Variants in EPB41L2 observed in about 807,000 individuals in gnomAD.
EPB41L2 encodes band 4.1-like protein 2.
Under a neutral mutation model 113.0 loss-of-function variants are expected in EPB41L2, and 43 were observed. The observed-to-expected ratio is 0.38, with a 90% CI of 0.30 to 0.49. The LOEUF (loss-of-function observed/expected upper bound fraction) is 0.49, where lower values mean the gene tolerates loss of function less well. Among genes scored for constraint, EPB41L2 ranks in the 20% least tolerant of loss-of-function variants. The pLI is 0.95. For missense variants in EPB41L2, 1,147 were observed against 1,223.4 expected (o/e 0.94, Z 0.93); for synonymous variants, 442 against 436.7 (o/e 1.01, Z -0.15).
intron 12 of EPB41L2, chr6:130,880,543 C>G: frequency 1.7e-6 from 1 of 605,974 alleles, no homozygotes; most frequent in Non-Finnish European, 2.9e-6. Flanking sequence ...AGTGGAAACT[C>G]TACCATCAGT....
chr6:130,924,205 T>C (rs376483627), intron 4 of EPB41L2, among the ~76,000 whole-genome samples: 1 of 152,256 alleles, frequency 6.6e-6, no homozygotes, highest in East Asian at 1.9e-4. Flanking sequence ...ACATATTCCA[T>C]TGTATGTATA....
intron 18 of EPB41L2, among the ~76,000 whole-genome samples, chr6:130,861,106 T>C (rs748004343): frequency 6.6e-6 from 1 of 152,124 alleles, no homozygotes; most frequent in Non-Finnish European, 1.5e-5. Flanking sequence ...GGAATCTTGC[T>C]CTGTCGCCCA....
At chr6:130,937,901 A>C (rs983258268) in intron 3 of EPB41L2, among the ~76,000 whole-genome samples, 1 of 152,084 alleles carries the variant, frequency 6.6e-6, no homozygotes, top group Non-Finnish European at 1.5e-5. Flanking sequence ...ATTTGAGTCT[A>C]CCTTTGTGAA....
chr6:131,030,179 A>ACT (rs1210872196), intron 1 of EPB41L2, among the ~76,000 whole-genome samples: 1 of 152,166 alleles, frequency 6.6e-6, no homozygotes, highest in African/African-American at 2.4e-5. Context: ...AGGCAGTGTG[A>ACT]CTGCAGGGCC....
At chr6:131,061,191 GTTAC>G (rs1441014737) in intron 1 of EPB41L2, among the ~76,000 whole-genome samples, 1 of 152,078 alleles carries the variant, frequency 6.6e-6, no homozygotes, top group East Asian at 1.9e-4. Flanking sequence ...GTCCCTTCCC[GTTAC>G]TCTAAATGAG....
chr6:131,009,029 T>G (rs1786286396), intron 1 of EPB41L2, among the ~76,000 whole-genome samples: 1 of 152,172 alleles, frequency 6.6e-6, no homozygotes, highest in African/African-American at 2.4e-5. Context: ...TGACTGTGTT[T>G]TGAAATGTGA....
chr6:130,873,952 C>T (rs1375858773), intron 14 of EPB41L2, among the ~76,000 whole-genome samples: 2 of 152,078 alleles, frequency 1.3e-5, no homozygotes, highest in Non-Finnish European at 2.9e-5. Flanking sequence ...ATGATTACAT[C>T]GTCCCTTGGG....
At chr6:131,003,244 G>C (rs1311885929) in intron 1 of EPB41L2, among the ~76,000 whole-genome samples, 1 of 152,084 alleles carries the variant, frequency 6.6e-6, no homozygotes, top group Admixed American at 6.6e-5. Context: ...ACAAAAATAT[G>C]TGTTTACTTA....
intron 3 of EPB41L2, among the ~76,000 whole-genome samples, chr6:130,939,539 C>T (rs1810078052): frequency 1.3e-5 from 2 of 152,128 alleles, no homozygotes; most frequent in African/African-American, 4.8e-5. Flanking sequence ...AGATGTAAGA[C>T]ACCGCGCCCG....
rs552110390 is a variant in EPB41L2, at chr6:131,062,556, G to A, written c.-15+599C>T. 831 of 151,646 alleles carry A rather than the reference G, an allele frequency of 5.5e-3. 2 individuals are homozygous for A. The highest frequency in any genetic ancestry group is 9.5e-3 in the Non-Finnish European group (643 of 67,860). 9.4% of individuals were successfully genotyped at this position (151,646 alleles called of 1,614,324 possible). On this transcript the variant is annotated intron_variant, in intron 1 of 19. Transcript: ENST00000337057. ...GGGGCGCGGACGCGAGCCTACAGCG[G>A]GCCCGACCCGCACCGCGCGTGGGGC...
intron 3 of EPB41L2, among the ~76,000 whole-genome samples, chr6:130,954,547 T>C (rs950314947): frequency 1.3e-5 from 2 of 152,200 alleles, no homozygotes; most frequent in African/African-American, 4.8e-5. Context: ...TTAGTATACG[T>C]TACGTAAATA....
chr6:130,939,807 A>C (rs1228304613), intron 3 of EPB41L2, among the ~76,000 whole-genome samples: 4 of 152,236 alleles, frequency 2.6e-5, no homozygotes, highest in Non-Finnish European at 4.4e-5. Flanking sequence ...TAACTTTGAC[A>C]TGTGCTATAT....
intron 14 of EPB41L2, among the ~76,000 whole-genome samples, chr6:130,874,746 C>T (rs1786942514): frequency 6.6e-6 from 1 of 152,118 alleles, no homozygotes; most frequent in African/African-American, 2.4e-5. Context: ...ATTTAAATTT[C>T]ACATTAACAT....
rs1322108684 is a variant in EPB41L2 at position 130,895,076 on chromosome 6, C to T, written c.1280G>A (p.Gly427Glu). 2.5e-6 allele frequency: 4 copies of T among 1,613,432 alleles called. No individual in the cohort carries two copies. Among genetic ancestry groups the T allele is most frequent in the African/African-American group, 1.3e-5 (1 of 74,878 alleles). The change falls in exon 9 of 20, where the codon GGA (glycine) becomes GAA (glutamate). Residue 427 changes from glycine (G) to glutamate (E), a missense_variant. Gly to Glu is a moderately conservative substitution (Grantham distance 98). Coordinates refer to ENST00000337057, the MANE Select transcript of EPB41L2 (RefSeq NM_001431.4). ...VDIKLGVCANGLLIYKDRLRI... is the reference protein window; with the variant it reads ...VDIKLGVCANELLIYKDRLRI... ...CAGTCTGTCTTTGTAAATGAGAAGTCCATTAGCACACACGCCCAGCTTGAT... is the reference window on the plus strand; with the variant it reads ...CAGTCTGTCTTTGTAAATGAGAAGTTCATTAGCACACACGCCCAGCTTGAT...
chr6:130,913,007 C>T (rs984195054), intron 4 of EPB41L2, among the ~76,000 whole-genome samples: 1 of 152,154 alleles, frequency 6.6e-6, no homozygotes, highest in African/African-American at 2.4e-5. Context: ...ATACAGATCC[C>T]CAGTACAGAA....
At position 130,890,274 on chromosome 6, in the gene EPB41L2, A is replaced by G. The variant is rs1169862550; in HGVS notation, c.1660+20T>C. On this transcript the variant is annotated intron_variant, in intron 11 of 19. Transcript: ENST00000337057. ...TAGAGAAAGATGAATGAAAATCAAA[A>G]TTATCATAAATGTGTTTACCTCCAT... 1 of 1,583,644 alleles carries G rather than the reference A, an allele frequency of 6.3e-7. No individual in the cohort carries two copies. The highest frequency in any genetic ancestry group is 2.2e-5 in the East Asian group (1 of 44,452).
At chr6:130,867,956 ACACACACACACACACACTCT>A (rs2128443970) in intron 15 of EPB41L2, 1 of 160,758 alleles carries the variant, frequency 6.2e-6, no homozygotes, top group East Asian at 2.0e-4. Context: ...ACACACACAC[ACACACACACACACACACTCT>A]CTCTCTCTCT....
Position 130,895,046 on chromosome 6 carries a change from A to T in EPB41L2, c.1310T>A (p.Ile437Asn). ...GATTTTCGGCCAAGCAAAACGATTGATTCGCAGTCTGTCTTTGTAAATGAG... is the reference window on the plus strand; with the variant it reads ...GATTTTCGGCCAAGCAAAACGATTGTTTCGCAGTCTGTCTTTGTAAATGAG... ...GLLIYKDRLR[I>N]NRFAWPKILK... Residue 437 changes from isoleucine to asparagine, a missense_variant, in exon 9 of 20, where the codon ATC (isoleucine) becomes AAC (asparagine). Physicochemically the swap from Ile to Asn is moderately radical, Grantham distance 149. Transcript: ENST00000337057. 1.2e-6 allele frequency: 2 copies of T among 1,614,058 alleles called. No individual in the cohort carries two copies. Among genetic ancestry groups the T allele is most frequent in the Non-Finnish European group, 1.7e-6 (2 of 1,179,944 alleles).
At chr6:130,846,862 G>C (rs2128401179) in intron 19 of EPB41L2, among the ~76,000 whole-genome samples, 1 of 152,278 alleles carries the variant, frequency 6.6e-6, no homozygotes, top group African/African-American at 2.4e-5. Flanking sequence ...AACTTTTATA[G>C]ATGTTCCTAT....
Sources: allele counts gnomAD v4.1 joint callset (sites outside exome capture counted in the v4.1 genomes callset), GRCh38; gene constraint gnomAD v4.1.1; transcripts MANE v1.5; gene names NCBI Gene and HGNC (gene_info 2026-07-23, HGNC 2026-07-21).